SURF4: variants seen among roughly 807,000 people sequenced by gnomAD.
SURF4 encodes the protein surfeit locus protein 4.
SURF4 carries 3 observed loss-of-function variants against 30.0 expected under a neutral mutation model. That is an observed-to-expected ratio of 0.10 (90% CI 0.05 to 0.26). SURF4 has a LOEUF of 0.26. Ranked by LOEUF, SURF4 falls within the 10% of genes least tolerant of loss-of-function variation. The pLI, the probability that SURF4 is intolerant of heterozygous loss-of-function variation, is 1.00. For synonymous variants in SURF4, 143 were observed against 139.9 expected (o/e 1.02, Z -0.16); for missense variants, 217 against 350.8 (o/e 0.62, Z 3.05).
chr9:133,366,724 G>A, intron 2 of SURF4, 49 bp from the exon 3 acceptor site: 1 of 1,576,944 alleles, frequency 6.3e-7, no homozygotes, highest in South Asian at 1.1e-5. Flanking sequence ...GTGCCGGCGG[G>A]GAGCACTGTC....
intron 1 of SURF4, among the ~76,000 whole-genome samples, chr9:133,374,604 T>C (rs1837746330): frequency 6.6e-6 from 1 of 152,030 alleles, no homozygotes; most frequent in African/African-American, 2.4e-5. Flanking sequence ...CAAATAAAAT[T>C]GTGTCTTTAA....
intron 1 of SURF4, chr9:133,370,799 T>A: frequency 9.2e-7 from 1 of 1,082,128 alleles, no homozygotes; most frequent in Non-Finnish European, 1.2e-6. Flanking sequence ...CTCCCCCCCA[T>A]TAGAGAACTG....
At chr9:133,375,176 GA>G (rs2130233777) in intron 1 of SURF4, 4 of 979,068 alleles carry the variant, frequency 4.1e-6, no homozygotes, top group Non-Finnish European at 4.9e-6. Flanking sequence ...CCCAGTTCCC[GA>G]ATGCTCTCAA....
chr9:133,363,278 G>T lies in SURF4; in HGVS notation c.*215C>A. 1.2e-6 allele frequency: 1 copy of T among 831,984 alleles called. No homozygotes were observed. The highest frequency in any genetic ancestry group is 2.0e-6 in the Non-Finnish European group (1 of 498,748). 51.5% of individuals were successfully genotyped at this position (831,984 alleles called of 1,614,324 possible). A position where few individuals can be genotyped will look rare whatever the true frequency, so the allele number is the denominator to read the frequency against. On this transcript the variant is annotated 3_prime_UTR_variant, in exon 6 of 6. Transcript: ENST00000371989. This position sits in a 1 kb window ranked among gnomAD's most constrained non-coding sequence, Gnocchi z 4.3. ...AGGCTTCCAGCTGCCAGGCTGGCCTGCACTGAAGGGTCAGACGCCAGACTG... is the reference window on the plus strand; with the variant it reads ...AGGCTTCCAGCTGCCAGGCTGGCCTTCACTGAAGGGTCAGACGCCAGACTG...
At chr9:133,375,286 T>A in intron 1 of SURF4, 1 of 985,424 alleles carries the variant, frequency 1.0e-6, no homozygotes. Context: ...CTTCCCCTCC[T>A]CCCAGGCTGT....
intron 1 of SURF4, among the ~76,000 whole-genome samples, chr9:133,371,503 AC>A (rs1837505861): frequency 6.6e-6 from 1 of 152,242 alleles, no homozygotes; most frequent in Non-Finnish European, 1.5e-5. Flanking sequence ...CAAAATCCCA[AC>A]TATAGGAAAG....
chr9:133,372,688 C>G (rs1248608125), intron 1 of SURF4: 4 of 952,166 alleles, frequency 4.2e-6, no homozygotes. Context: ...GTCACTTTAT[C>G]TGATCAGTGA....
intron 1 of SURF4, among the ~76,000 whole-genome samples, chr9:133,367,973 G>A (rs1026368334): frequency 1.1e-4 from 16 of 152,230 alleles, no homozygotes; most frequent in African/African-American, 3.9e-4. Flanking sequence ...AGGCTATGAC[G>A]CACGACATGT....
At chr9:133,365,924 G>A (rs1837143694) in intron 4 of SURF4, 61 bp downstream of exon 4, 3 of 1,529,086 alleles carry the variant, frequency 2.0e-6, no homozygotes, top group Middle Eastern at 1.7e-4. Flanking sequence ...TTCAGACTTT[G>A]GATTTGCAAT....
At position 133,363,823 on chromosome 9, in the gene SURF4, A is replaced by G. The variant is rs1836986736; in HGVS notation, c.544-64T>C. The G allele has an allele frequency of 6.9e-6, 11 of 1,596,336 alleles. No individual in the cohort carries two copies. The highest frequency in any genetic ancestry group is 4.5e-5 in the East Asian group (2 of 44,602). ...GAGGAAAAGAGATGCTTTATAAACAAAAGTTCCAGCTGCTGCACGTCATGA... is the reference window on the plus strand; with the variant it reads ...GAGGAAAAGAGATGCTTTATAAACAGAAGTTCCAGCTGCTGCACGTCATGA... On this transcript the variant is annotated intron_variant, in intron 5 of 5. Coordinates refer to ENST00000371989, the MANE Select transcript of SURF4 (RefSeq NM_033161.4). This position sits in a 1 kb window ranked among gnomAD's most constrained non-coding sequence, Gnocchi z 4.3.
intron 1 of SURF4, 94 bp downstream of exon 1, chr9:133,375,828 C>T (rs1163825353): frequency 3.4e-6 from 4 of 1,174,992 alleles, no homozygotes; most frequent in African/African-American, 3.2e-5. Flanking sequence ...GGGGGCGGCC[C>T]GGGCCTGGCG....
At chr9:133,370,921 T>C (rs1837470928) in intron 1 of SURF4, 1 of 1,289,544 alleles carries the variant, frequency 7.8e-7, no homozygotes. Context: ...AACCGCGCCA[T>C]CAAGCAGGAT....
At chr9:133,374,476 G>A (rs1023278815) in intron 1 of SURF4, among the ~76,000 whole-genome samples, 15 of 152,158 alleles carry the variant, frequency 9.9e-5, no homozygotes, top group African/African-American at 2.7e-4. Context: ...CAGGAGAATC[G>A]CTTGAACCCA....
chr9:133,376,716 C>T (rs926143144), upstream of SURF4, among the ~76,000 whole-genome samples: 1 of 152,206 alleles, frequency 6.6e-6, no homozygotes, highest in African/African-American at 2.4e-5. Flanking sequence ...GGGCCTCCAA[C>T]GGTGACCTCC....
intron 1 of SURF4, among the ~76,000 whole-genome samples, chr9:133,375,668 G>T (rs1431765462): frequency 6.6e-6 from 1 of 152,132 alleles, no homozygotes; most frequent in Non-Finnish European, 1.5e-5. Flanking sequence ...GCTGGAGGGT[G>T]GGGGCGGCTA....
chr9:133,376,415 T>A, upstream of SURF4: 1 of 1,484,470 alleles, frequency 6.7e-7, no homozygotes, highest in South Asian at 1.3e-5. Context: ...CGGGTCCCAC[T>A]GACCCACGCG....
At chr9:133,375,243 A>G in intron 1 of SURF4, 1 of 985,420 alleles carries the variant, frequency 1.0e-6, no homozygotes, top group Non-Finnish European at 1.2e-6. Flanking sequence ...TGCCACCTGG[A>G]CACTTCTGGA....
chr9:133,368,801 AAG>A (rs1837333113), intron 1 of SURF4, among the ~76,000 whole-genome samples: 1 of 152,138 alleles, frequency 6.6e-6, no homozygotes, highest in East Asian at 1.9e-4. Flanking sequence ...TATAAAGTGA[AAG>A]AAATACTGTA....
upstream of SURF4, chr9:133,376,177 C>T: frequency 8.0e-7 from 1 of 1,242,506 alleles, no homozygotes; most frequent in Non-Finnish European, 1.0e-6. Context: ...AAAGGGGCCA[C>T]GCGCCATCCC....
Sources: gnomAD v4.1 joint callset for allele counts (sites outside exome capture counted in the v4.1 genomes callset) on GRCh38, gnomAD v4.1.1 for gene constraint, Gnocchi (gnomAD v3.1) non-coding constraint, MANE v1.5 for transcripts, NCBI Gene and HGNC (gene_info 2026-07-23, HGNC 2026-07-21) for gene names.